ANKFN1: variants seen among roughly 807,000 people sequenced by gnomAD.
ANKFN1 encodes the protein ankyrin repeat and fibronectin type-III domain-containing protein 1.
A neutral mutation model predicts 108.7 loss-of-function variants in ANKFN1; 74 were observed. The observed-to-expected ratio is 0.68, with a 90% CI of 0.56 to 0.83. The LOEUF (loss-of-function observed/expected upper bound fraction) is 0.83, where lower values mean the gene tolerates loss of function less well. Ranked by LOEUF, ANKFN1 falls within the 40% of genes least tolerant of loss-of-function variation. The probability of loss-of-function intolerance (pLI) is 0.00; values close to 1 mark genes in which losing one functional copy is unlikely to be tolerated. For synonymous variants in ANKFN1, 547 were observed against 516.2 expected (o/e 1.06, Z -0.81); for missense variants, 1,505 against 1,382.3 (o/e 1.09, Z -1.41).
chr17:56,081,395 C>T (rs1905244510), intron 4 of ANKFN1, among the ~76,000 whole-genome samples: 1 of 151,936 alleles, frequency 6.6e-6, no homozygotes, highest in Non-Finnish European at 1.5e-5. Flanking sequence ...CTTTGTTGCC[C>T]AGGCTGGAGT....
chr17:56,136,887 T>A (rs1200816240), intron 4 of ANKFN1, among the ~76,000 whole-genome samples: 1 of 152,214 alleles, frequency 6.6e-6, no homozygotes, highest in African/African-American at 2.4e-5. Context: ...CTGACCAGAA[T>A]TCTTGCCCTG....
intron 1 of ANKFN1, among the ~76,000 whole-genome samples, chr17:56,187,933 G>C (rs1014602268): frequency 6.6e-6 from 1 of 152,038 alleles, no homozygotes; most frequent in Non-Finnish European, 1.5e-5. Flanking sequence ...GGCCTGTCGT[G>C]GGGTAGGGGG....
At chr17:56,438,787 A>T (rs1173196808) in intron 8 of ANKFN1, among the ~76,000 whole-genome samples, 4 of 152,174 alleles carry the variant, frequency 2.6e-5, no homozygotes. Flanking sequence ...CTGGACATAG[A>T]ATCACAGTTT....
intron 3 of ANKFN1, among the ~76,000 whole-genome samples, chr17:56,239,354 T>C (rs1336648575): frequency 6.6e-6 from 1 of 152,038 alleles, no homozygotes; most frequent in Non-Finnish European, 1.5e-5. Flanking sequence ...AATAATATGG[T>C]GCAATAGTTC....
chr17:56,304,803 A>G (rs1466400682), intron 3 of ANKFN1, among the ~76,000 whole-genome samples: 1 of 152,176 alleles, frequency 6.6e-6, no homozygotes, highest in Non-Finnish European at 1.5e-5. Context: ...TTACACATTT[A>G]TTTAAAATGC....
chr17:56,076,861 C>T (rs914819270), intron 4 of ANKFN1, among the ~76,000 whole-genome samples: 4 of 152,124 alleles, frequency 2.6e-5, no homozygotes, highest in African/African-American at 9.7e-5. Flanking sequence ...GTAGCATTCT[C>T]TTCTGTTTGT....
intron 1 of ANKFN1, among the ~76,000 whole-genome samples, chr17:56,196,069 C>A (rs1294708753): frequency 6.6e-6 from 1 of 152,058 alleles, no homozygotes; most frequent in African/African-American, 2.4e-5. Flanking sequence ...GAGTTTGAGA[C>A]CAGCCTGGAC....
chr17:56,090,743 A>T (rs1180934268), intron 4 of ANKFN1, among the ~76,000 whole-genome samples: 1 of 151,020 alleles, frequency 6.6e-6, no homozygotes, highest in East Asian at 1.9e-4. Flanking sequence ...AGTAGCTGCA[A>T]CTACAGGCAC....
intron 20 of ANKFN1, 114 bp downstream of exon 20, chr17:56,499,212 G>A: frequency 1.0e-6 from 1 of 995,052 alleles, no homozygotes; most frequent in Non-Finnish European, 1.5e-6. Flanking sequence ...TGAAAACACT[G>A]CTCAGGGGTA....
chr17:56,295,369 A>G (rs750188334), intron 3 of ANKFN1, among the ~76,000 whole-genome samples: 4 of 152,192 alleles, frequency 2.6e-5, no homozygotes, highest in Non-Finnish European at 4.4e-5. Flanking sequence ...CTCTACTCCT[A>G]TCATTCTCAA....
intron 1 of ANKFN1, among the ~76,000 whole-genome samples, chr17:56,210,560 G>A (rs1046692036): frequency 2.6e-5 from 4 of 152,084 alleles, no homozygotes; most frequent in Non-Finnish European, 4.4e-5. Flanking sequence ...GTCGATTTAT[G>A]TCCTTAGCCC....
At chr17:56,480,875 T>G in intron 17 of ANKFN1, 57 bp downstream of exon 17, 1 of 1,555,732 alleles carries the variant, frequency 6.4e-7, no homozygotes, top group Non-Finnish European at 8.7e-7. Flanking sequence ...AACTGCATTG[T>G]AACATTAAGT....
chr17:56,102,621 C>G (rs920677865), intron 4 of ANKFN1, among the ~76,000 whole-genome samples: 2 of 116,974 alleles, frequency 1.7e-5, no homozygotes, highest in Non-Finnish European at 3.4e-5. Context: ...TGCCCAAGCC[C>G]TTCCTAGCCT....
At chr17:56,453,658 G>A (rs1057400841) in intron 11 of ANKFN1, among the ~76,000 whole-genome samples, 3 of 152,028 alleles carry the variant, frequency 2.0e-5, no homozygotes, top group Non-Finnish European at 4.4e-5. Context: ...ATTGCATGGT[G>A]GAGCTTTCCC....
chr17:56,209,532 A>T (rs746191212), intron 1 of ANKFN1, among the ~76,000 whole-genome samples: 2 of 152,224 alleles, frequency 1.3e-5, no homozygotes, highest in Admixed American at 1.3e-4. Context: ...ATGCCTGAAG[A>T]TAACAAACCA....
Position 56,511,205 on chromosome 17 carries a change from C to G in ANKFN1, c.3377C>G (p.Pro1126Arg). ...ATCACCCTGCCCAGCCCCACTGGCCCCGATGTGAGTCAGGAGGGCCCCACC... is the reference window on the plus strand; with the variant it reads ...ATCACCCTGCCCAGCCCCACTGGCCGCGATGTGAGTCAGGAGGGCCCCACC... ...GRITLPSPTG[P>R]DVSQEGPTAS... Residue 1126 changes from proline to arginine, a missense_variant, in exon 21 of 21, where the codon CCC becomes CGC. Transcript: ENST00000682825. 6.5e-7 allele frequency: 1 copy of G among 1,535,416 alleles called. No homozygotes were observed. The highest frequency in any genetic ancestry group is 8.7e-7 in the Non-Finnish European group (1 of 1,146,500).
chr17:56,376,684 C>A (rs889004463), intron 8 of ANKFN1, among the ~76,000 whole-genome samples: 3 of 152,162 alleles, frequency 2.0e-5, no homozygotes, highest in Non-Finnish European at 1.5e-5. Context: ...TATCCGCATT[C>A]ACATATTAAC....
At chr17:56,230,772 T>C (rs916201003) in intron 3 of ANKFN1, among the ~76,000 whole-genome samples, 1 of 152,084 alleles carries the variant, frequency 6.6e-6, no homozygotes, top group Non-Finnish European at 1.5e-5. Flanking sequence ...TTAAGAGGCT[T>C]GGTGATATCG....
intron 3 of ANKFN1, among the ~76,000 whole-genome samples, chr17:56,281,779 A>G (rs777543265): frequency 2.6e-5 from 4 of 152,204 alleles, no homozygotes; most frequent in Non-Finnish European, 4.4e-5. Context: ...ATGCAAATTA[A>G]CATCACAATG....
Sources: gnomAD v4.1 joint callset for allele counts (sites outside exome capture counted in the v4.1 genomes callset) on GRCh38, gnomAD v4.1.1 for gene constraint, MANE v1.5 for transcripts, NCBI Gene and HGNC (gene_info 2026-07-23, HGNC 2026-07-21) for gene names.